ERI3: variants seen among roughly 807,000 people sequenced by gnomAD.
ERI3 encodes ERI1 exoribonuclease 3.
In ERI3, 18 loss-of-function variants were observed where a neutral mutation model predicts 44.4. The ratio of observed to expected loss-of-function variants is 0.41; its 90% CI spans 0.28 to 0.60. The LOEUF is 0.60. Among genes scored for constraint, ERI3 ranks in the 20% least tolerant of loss-of-function variants. ERI3 has a pLI of 0.36. For synonymous variants in ERI3, 183 were observed against 164.8 expected (o/e 1.11, Z -0.84); for missense variants, 294 against 435.5 (o/e 0.68, Z 2.89).
At chr1:44,294,520 G>T (rs1253575188) in intron 6 of ERI3, among the ~76,000 whole-genome samples, 6 of 151,654 alleles carry the variant, frequency 4.0e-5, no homozygotes, top group African/African-American at 1.5e-4. Context: ...CCTCTCTAGG[G>T]AAATAATAAG....
At chr1:44,287,627 A>G (rs1160679167) in intron 6 of ERI3, among the ~76,000 whole-genome samples, 2 of 152,262 alleles carry the variant, frequency 1.3e-5, no homozygotes, top group East Asian at 3.8e-4. Context: ...TGTGGGATGA[A>G]GGACCAAGAA....
chr1:44,272,010 T>C (rs1372876816), intron 7 of ERI3, among the ~76,000 whole-genome samples: 2 of 152,208 alleles, frequency 1.3e-5, no homozygotes, highest in East Asian at 3.8e-4. Flanking sequence ...CCTGTATGTC[T>C]ACCTGGATCT....
chr1:44,309,261 G>A (rs892170161), intron 5 of ERI3, among the ~76,000 whole-genome samples: 9 of 152,104 alleles, frequency 5.9e-5, no homozygotes, highest in African/African-American at 2.2e-4. Flanking sequence ...TTGGGAGGCA[G>A]ATGCAGGTGG....
intron 8 of ERI3, among the ~76,000 whole-genome samples, chr1:44,225,626 G>GTCC (rs1644019921): frequency 6.6e-6 from 1 of 152,166 alleles, no homozygotes; most frequent in Non-Finnish European, 1.5e-5. Context: ...AGACAAGCTT[G>GTCC]TTGGCTGGGC....
intron 7 of ERI3, among the ~76,000 whole-genome samples, chr1:44,274,795 C>A (rs192073200): frequency 6.6e-6 from 1 of 152,326 alleles, no homozygotes; most frequent in East Asian, 1.9e-4. Flanking sequence ...CAGCAGCAAG[C>A]ACTCTGGGCT....
chr1:44,275,235 C>G (rs1645159169), intron 7 of ERI3, among the ~76,000 whole-genome samples: 2 of 152,204 alleles, frequency 1.3e-5, no homozygotes, highest in Middle Eastern at 3.4e-3. Context: ...TTGCAGCCAC[C>G]CTTCTATAGA....
At chr1:44,238,748 T>TC (rs1472233429) in intron 8 of ERI3, among the ~76,000 whole-genome samples, 1 of 149,582 alleles carries the variant, frequency 6.7e-6, no homozygotes, top group Admixed American at 6.7e-5. Flanking sequence ...TCACATAGCC[T>TC]CCCCCCACAG....
chr1:44,229,690 G>T (rs115469124), intron 8 of ERI3, among the ~76,000 whole-genome samples: 6 of 152,216 alleles, frequency 3.9e-5, no homozygotes, highest in Admixed American at 6.5e-5. Flanking sequence ...ATGCTCAGGG[G>T]CCTGGGCGTA....
At chr1:44,264,357 C>T (rs933279626) in intron 7 of ERI3, among the ~76,000 whole-genome samples, 1 of 152,224 alleles carries the variant, frequency 6.6e-6, no homozygotes, top group African/African-American at 2.4e-5. Context: ...TTCTGCCCCC[C>T]TCTTGGCGTG....
Position 44,252,628 on chromosome 1 carries a change from G to A in ERI3, c.832-4590C>T, listed in dbSNP as rs530535284. On this transcript the variant is annotated intron_variant, in intron 7 of 8. Transcript: ENST00000372257. The surrounding 1 kb of genome is among the most constrained non-coding windows in gnomAD (Gnocchi z 4.7). ...CAGTCCCATCACAAACACGGCGCCC[G>A]GCGGCTTATGGGGGCTTAGCAGCTG... Among the ~76,000 whole-genome samples the A allele has an allele frequency of 6.6e-6, 1 of 152,230 alleles. No individual in the cohort carries two copies. Among genetic ancestry groups the A allele is most frequent in the Non-Finnish European group, 1.5e-5 (1 of 68,034 alleles).
intron 3 of ERI3, among the ~76,000 whole-genome samples, chr1:44,338,122 A>C (rs949399013): frequency 2.6e-5 from 4 of 152,244 alleles, no homozygotes; most frequent in Non-Finnish European, 5.9e-5. Context: ...GCTGGTGACT[A>C]ATGAAAAAAA....
At chr1:44,236,166 C>T (rs983314517) in intron 8 of ERI3, among the ~76,000 whole-genome samples, 1 of 152,182 alleles carries the variant, frequency 6.6e-6, no homozygotes, top group African/African-American at 2.4e-5. Flanking sequence ...AGGCACTTCC[C>T]TAGCTGCCTC....
chr1:44,242,108 C>T (rs1426254949), intron 8 of ERI3: 2 of 985,692 alleles, frequency 2.0e-6, no homozygotes, highest in African/African-American at 3.5e-5. Flanking sequence ...GTTAACCCTT[C>T]TCATGACCAT....
Position 44,228,451 on chromosome 1 carries a change from A to G in ERI3, c.932-6811T>C, listed in dbSNP as rs1315100357. Among the ~76,000 whole-genome samples, 1 of 152,258 alleles carries G rather than the reference A, an allele frequency of 6.6e-6. No individual in the cohort carries two copies. Among genetic ancestry groups the G allele is most frequent in the Non-Finnish European group, 1.5e-5 (1 of 68,052 alleles). On this transcript the variant is annotated intron_variant, in intron 8 of 8. Transcript: ENST00000372257. The surrounding 1 kb of genome is among the most constrained non-coding windows in gnomAD (Gnocchi z 4.3). Reference sequence around the variant, plus strand: ...CTTATTCAAACAACTCACCATTACCATATTTTTAAATATTAGACTTAATTA... The same window carrying G: ...CTTATTCAAACAACTCACCATTACCGTATTTTTAAATATTAGACTTAATTA...
intron 3 of ERI3, among the ~76,000 whole-genome samples, chr1:44,327,305 C>T (rs1646336577): frequency 6.6e-6 from 1 of 152,204 alleles, no homozygotes; most frequent in African/African-American, 2.4e-5. Flanking sequence ...GATAAGAGGG[C>T]CTGATCTCTC....
intron 8 of ERI3, among the ~76,000 whole-genome samples, chr1:44,232,948 G>A (rs761674518): frequency 6.6e-6 from 1 of 152,186 alleles, no homozygotes; most frequent in Non-Finnish European, 1.5e-5. Context: ...TGCCTTTGGA[G>A]CCTGGATTGC....
chr1:44,334,555 T>C (rs951174293), intron 3 of ERI3, among the ~76,000 whole-genome samples: 2 of 152,134 alleles, frequency 1.3e-5, no homozygotes, highest in African/African-American at 4.8e-5. Context: ...TTTTAAACCA[T>C]CTAAATTACA....
intron 4 of ERI3, among the ~76,000 whole-genome samples, chr1:44,314,246 A>G (rs564418998): frequency 2.5e-4 from 38 of 152,286 alleles, no homozygotes; most frequent in African/African-American, 8.9e-4. Context: ...CTAAAAGGGA[A>G]GGTTATTTTC....
intron 7 of ERI3, among the ~76,000 whole-genome samples, chr1:44,277,072 C>T (rs537894891): frequency 6.6e-6 from 1 of 152,312 alleles, no homozygotes; most frequent in South Asian, 2.1e-4. Flanking sequence ...CCCAGCCCTT[C>T]CCTATTAGTG....
Sources: gnomAD v4.1 joint callset for allele counts (sites outside exome capture counted in the v4.1 genomes callset) on GRCh38, gnomAD v4.1.1 for gene constraint, Gnocchi (gnomAD v3.1) non-coding constraint, MANE v1.5 for transcripts, NCBI Gene and HGNC (gene_info 2026-07-23, HGNC 2026-07-21) for gene names.